Variants in PDZD2 observed in about 807,000 individuals in gnomAD.
The protein encoded by PDZD2 is PDZ domain containing 2.
In PDZD2, 90 loss-of-function variants were observed where a neutral mutation model predicts 220.7. That is an observed-to-expected ratio of 0.41 (90% CI 0.34 to 0.49). The LOEUF (loss-of-function observed/expected upper bound fraction) is 0.49. PDZD2 is among the 20% of genes least tolerant of loss of function. The probability of loss-of-function intolerance (pLI) is 0.28; values close to 1 mark genes in which losing one functional copy is unlikely to be tolerated. For synonymous variants in PDZD2, 1,375 were observed against 1,450.5 expected (o/e 0.95, Z 1.18); for missense variants, 3,174 against 3,608.5 (o/e 0.88, Z 3.08).
At chr5:31,911,073 C>A (rs1046013521) in intron 2 of PDZD2, among the ~76,000 whole-genome samples, 5 of 152,072 alleles carry the variant, frequency 3.3e-5, no homozygotes, top group African/African-American at 1.2e-4. Flanking sequence ...ATAATTTGTA[C>A]AGACTCAAAT....
At chr5:32,004,257 GTT>G (rs1752635554) in intron 5 of PDZD2, among the ~76,000 whole-genome samples, 1 of 152,092 alleles carries the variant, frequency 6.6e-6, no homozygotes, top group African/African-American at 2.4e-5. Context: ...GTGCCAGGTG[GTT>G]TTAGTTCTTT....
At chr5:32,077,955 CAAA>C (rs60262313) in intron 19 of PDZD2, 1 of 123,470 alleles carries the variant, frequency 8.1e-6, no homozygotes, top group Admixed American at 8.8e-5. Context: ...AAGACTCTGT[CAAA>C]AAAAAAAGAA....
At chr5:32,021,878 C>A (rs1205145159) in intron 6 of PDZD2, among the ~76,000 whole-genome samples, 3 of 152,150 alleles carry the variant, frequency 2.0e-5, no homozygotes, top group Admixed American at 6.5e-5. Context: ...CCCACTTACC[C>A]CTCCTCTTTA....
At chr5:31,927,304 G>A (rs148990606) in intron 2 of PDZD2, among the ~76,000 whole-genome samples, 20 of 152,316 alleles carry the variant, frequency 1.3e-4, no homozygotes, top group Non-Finnish European at 2.2e-4. Context: ...GGCAGGGCTG[G>A]TCCAGCTCTT....
intron 6 of PDZD2, among the ~76,000 whole-genome samples, chr5:32,027,842 T>C (rs1466804659): frequency 6.6e-6 from 1 of 152,180 alleles, no homozygotes; most frequent in African/African-American, 2.4e-5. Flanking sequence ...ACCATCTGGT[T>C]CTCCTTCGGT....
chr5:31,944,183 T>C (rs1006495249), intron 2 of PDZD2, among the ~76,000 whole-genome samples: 4 of 152,250 alleles, frequency 2.6e-5, no homozygotes, highest in Admixed American at 6.5e-5. Flanking sequence ...ATTTAAAATA[T>C]AATTTTTGAA....
intron 1 of PDZD2, among the ~76,000 whole-genome samples, chr5:31,653,535 C>T (rs187706887): frequency 1.7e-4 from 26 of 152,162 alleles, no homozygotes; most frequent in East Asian, 7.7e-4. Context: ...TCTGAGGCAG[C>T]GCTAGTTATG....
intron 6 of PDZD2, among the ~76,000 whole-genome samples, chr5:32,017,009 T>C (rs552350802): frequency 6.6e-6 from 1 of 152,222 alleles, no homozygotes; most frequent in Non-Finnish European, 1.5e-5. Flanking sequence ...TGTATGGAGA[T>C]ACATGGATGG....
intron 1 of PDZD2, among the ~76,000 whole-genome samples, chr5:31,785,825 C>T (rs1317770135): frequency 6.6e-6 from 1 of 152,092 alleles, no homozygotes; most frequent in Non-Finnish European, 1.5e-5. Context: ...TTTCCCCAGA[C>T]CTCGCCCCAA....
intron 1 of PDZD2, among the ~76,000 whole-genome samples, chr5:31,726,595 T>C (rs1276508134): frequency 1.4e-4 from 22 of 152,114 alleles, no homozygotes; most frequent in Admixed American, 1.4e-3. Flanking sequence ...AACTTGAAGA[T>C]GAGAAACCCA....
At position 31,915,193 on chromosome 5, in the gene PDZD2, T is replaced by C. The variant is rs537977151; in HGVS notation, c.477-67962T>C. Among the ~76,000 whole-genome samples the C allele has an allele frequency of 3.8e-4, 58 of 152,180 alleles. 1 individual carries two copies. Among genetic ancestry groups the C allele is most frequent in the Admixed American group, 3.3e-3 (51 of 15,278 alleles). ...TACCCTCCTGATGCCTACTTTCCAA[T>C]TGGAGAAGCATCCCTCACTTGAAAT... On this transcript the variant is annotated intron_variant, in intron 2 of 24. Coordinates refer to ENST00000438447, the MANE Select transcript of PDZD2 (RefSeq NM_178140.4).
chr5:31,994,035 G>C (rs1469731599), intron 3 of PDZD2, among the ~76,000 whole-genome samples: 2 of 151,926 alleles, frequency 1.3e-5, no homozygotes, highest in Non-Finnish European at 2.9e-5. Flanking sequence ...TGTTTGTTGG[G>C]GGGATGGAGT....
rs150172364 is a variant in PDZD2, at chr5:31,672,989, A to C, written c.-361+33552A>C. ...ATTGTTTCCTTATTGGGAATAGGAA[A>C]CATTCTTAGGAGACCTTTTTTCCAT... is the stretch of plus-strand genomic sequence containing the variant. On this transcript the variant is annotated intron_variant, in intron 1 of 24. Coordinates refer to ENST00000438447, the MANE Select transcript of PDZD2 (RefSeq NM_178140.4). 3.5e-3 allele frequency among the ~76,000 whole-genome samples: 533 copies of C among 152,326 alleles called. 2 individuals are homozygous for C. Among genetic ancestry groups the C allele is most frequent in the African/African-American group, 0.011 (463 of 41,570 alleles).
chr5:32,075,092 G>A (rs376094221), intron 18 of PDZD2, among the ~76,000 whole-genome samples: 8 of 152,160 alleles, frequency 5.3e-5, no homozygotes, highest in African/African-American at 1.4e-4. Flanking sequence ...GATTACAAGC[G>A]TGAGCCACCG....
chr5:31,749,416 C>T (rs1024399853), intron 1 of PDZD2, among the ~76,000 whole-genome samples: 1 of 134,394 alleles, frequency 7.4e-6, no homozygotes, highest in African/African-American at 2.9e-5. Flanking sequence ...CAGAAGGTCA[C>T]TGTGTGATTT....
intron 2 of PDZD2, chr5:31,822,971 G>T: frequency 1.8e-6 from 2 of 1,130,566 alleles, no homozygotes; most frequent in South Asian, 2.4e-5. Context: ...TTGTCAACCC[G>T]GGGCCTCTTT....
chr5:32,098,339 T>G lies in PDZD2; in HGVS notation c.7948-25T>G, dbSNP rs1743928814. 1.2e-6 allele frequency: 2 copies of G among 1,606,598 alleles called. No homozygotes were observed. Among genetic ancestry groups the G allele is most frequent in the African/African-American group, 2.7e-5 (2 of 74,602 alleles). ...AAATCGTAAGTGGATCTGGTTTTTG[T>G]TCCCTTTTCCTTTCCTCATCCCAGG... On this transcript the variant is annotated intron_variant, in intron 22 of 24. Transcript: ENST00000438447. This position sits in a 1 kb window ranked among gnomAD's most constrained non-coding sequence, Gnocchi z 4.1.
intron 2 of PDZD2, among the ~76,000 whole-genome samples, chr5:31,898,643 C>T (rs1263483663): frequency 6.6e-6 from 1 of 152,130 alleles, no homozygotes; most frequent in Non-Finnish European, 1.5e-5. Context: ...CAAAGTGATG[C>T]TTGCACATAG....
At chr5:31,966,311 G>A (rs10045838) in intron 2 of PDZD2, among the ~76,000 whole-genome samples, 56,544 of 151,956 alleles carry the variant, frequency 0.37, 10,954 homozygotes, top group Middle Eastern at 0.47. Context: ...CTCCCCCCAT[G>A]TCTTTTATAA....
Sources: allele counts gnomAD v4.1 joint callset (sites outside exome capture counted in the v4.1 genomes callset), GRCh38; gene constraint gnomAD v4.1.1; non-coding constraint Gnocchi (gnomAD v3.1); transcripts MANE v1.5; gene names NCBI Gene and HGNC (gene_info 2026-07-23, HGNC 2026-07-21).